ANKHD1: variants seen among roughly 807,000 people sequenced by gnomAD.
ANKHD1 encodes ankyrin repeat and KH domain-containing protein 1.
A neutral mutation model predicts 230.5 loss-of-function variants in ANKHD1; 31 were observed. That is an observed-to-expected ratio of 0.13 (90% CI 0.10 to 0.18). The LOEUF (loss-of-function observed/expected upper bound fraction) is 0.18, where lower values mean the gene tolerates loss of function less well. Among genes scored for constraint, ANKHD1 ranks in the 10% least tolerant of loss-of-function variants. The pLI, the probability that ANKHD1 is intolerant of heterozygous loss-of-function variation, is 1.00. For missense variants in ANKHD1, 2,256 were observed against 3,071.3 expected (o/e 0.73, Z 6.27); for synonymous variants, 1,074 against 1,117.6 (o/e 0.96, Z 0.78).
intron 10 of ANKHD1, among the ~76,000 whole-genome samples, chr5:140,475,107 T>C (rs1420743611): frequency 6.6e-6 from 1 of 152,254 alleles, no homozygotes; most frequent in Non-Finnish European, 1.5e-5. Context: ...TGTTATTGTG[T>C]ATTGAATGAG....
At chr5:140,453,231 G>A (rs942763527) in intron 7 of ANKHD1, among the ~76,000 whole-genome samples, 8 of 152,298 alleles carry the variant, frequency 5.3e-5, no homozygotes, top group Admixed American at 2.6e-4. Flanking sequence ...CCAAATCTAC[G>A]TCTGATTGGT....
chr5:140,415,266 C>T (rs896292982), intron 1 of ANKHD1, among the ~76,000 whole-genome samples: 1 of 151,564 alleles, frequency 6.6e-6, no homozygotes, highest in Non-Finnish European at 1.5e-5. Context: ...GCCTGTAATC[C>T]CAGCTACTCA....
chr5:140,457,850 TA>T lies in ANKHD1; in HGVS notation c.1243-764del, dbSNP rs983828917. Among the ~76,000 whole-genome samples, 612 of 139,384 alleles carry T rather than the reference TA, an allele frequency of 4.4e-3. 4 individuals are homozygous for T. The highest frequency in any genetic ancestry group is 0.012 in the African/African-American group (447 of 38,020). 91.4% of individuals were successfully genotyped at this position (139,384 alleles called of 152,430 possible). ...CACATGTACCCTAGAACTTAAAGTATAAAAAAAAAAAGACCTACATAAATTT... is the reference window on the plus strand; with the variant it reads ...CACATGTACCCTAGAACTTAAAGTATAAAAAAAAAAGACCTACATAAATTT... On this transcript the variant is annotated intron_variant, in intron 7 of 33. Coordinates refer to ENST00000360839, the MANE Select transcript of ANKHD1 (RefSeq NM_017747.3).
Position 140,510,111 on chromosome 5 carries a change from T to C in ANKHD1, c.4034T>C (p.Val1345Ala), listed in dbSNP as rs767900557. The C allele has an allele frequency of 1.2e-6, 2 of 1,614,074 alleles. No individual in the cohort carries two copies. The highest frequency in any genetic ancestry group is 3.3e-4 in the Middle Eastern group (2 of 6,062). The change falls in exon 22 of 34, where the codon GTG (valine) becomes GCG (alanine). Residue 1345 changes from valine to alanine, a missense_variant. Val to Ala is a moderately conservative substitution (Grantham distance 64, BLOSUM62 0). Around this residue, in one of 13 missense-constraint regions of ANKHD1, gnomAD observed 195 missense variants for 340.3 expected, o/e 0.57. Transcript: ENST00000360839. ...CATTTTGATGTTGTGCAGTTGCTAG[T>C]GCAAGCAGGTGCTGATGTGGATGCA... Reference protein sequence around the residue: ...GGHFDVVQLLVQAGADVDAAD... With the variant: ...GGHFDVVQLLAQAGADVDAAD...
At chr5:140,446,107 AT>A in intron 6 of ANKHD1, 132 bp downstream of exon 6, 1 of 905,790 alleles carries the variant, frequency 1.1e-6, no homozygotes, top group Non-Finnish European at 1.5e-6. Context: ...TTTATAAGAA[AT>A]TATATAGAAA....
chr5:140,474,200 TCTC>T (rs1177246157), intron 10 of ANKHD1, among the ~76,000 whole-genome samples: 2 of 152,158 alleles, frequency 1.3e-5, no homozygotes, highest in African/African-American at 4.8e-5. Flanking sequence ...CCATATCAGT[TCTC>T]CTGAGGGGTA....
Position 140,528,691 on chromosome 5 carries a change from C to A in ANKHD1, c.5745C>A (p.Asn1915Lys). The change falls in exon 29 of 34, where the codon AAC becomes AAA. Residue 1915 changes from asparagine (N) to lysine (K), a missense_variant. Transcript: ENST00000360839. ...PKHNNTSRLP[N>K]QNGTVLPSES... is the part of the protein sequence containing the mutation. The stretch of plus-strand genomic sequence containing the variant: ...ATAATAACACAAGCCGTCTACCTAA[C>A]CAGAACGGGACTGTTTTACCCTCAG... 3.1e-6 allele frequency: 5 copies of A among 1,614,184 alleles called. No individual in the cohort carries two copies. Among genetic ancestry groups the A allele is most frequent in the Non-Finnish European group, 4.2e-6 (5 of 1,180,042 alleles).
intron 6 of ANKHD1, 122 bp from the exon 7 acceptor site, chr5:140,449,089 T>A (rs926089088): frequency 9.6e-7 from 1 of 1,036,658 alleles, no homozygotes; most frequent in African/African-American, 1.6e-5. Context: ...GATTTATTTA[T>A]TGAATGCAAA....
intron 22 of ANKHD1, 54 bp downstream of exon 22, chr5:140,510,235 C>A: frequency 6.6e-7 from 1 of 1,518,390 alleles, no homozygotes; most frequent in Non-Finnish European, 8.9e-7. Context: ...TAAGTTAAAA[C>A]CATGTGAGAA....
At chr5:140,512,955 T>C (rs190063017) in intron 23 of ANKHD1, 32 bp downstream of exon 23, 1 of 1,554,136 alleles carries the variant, frequency 6.4e-7, no homozygotes, top group African/African-American at 1.4e-5. Context: ...AGCACATTTT[T>C]GTTCTTTGTG....
At chr5:140,499,537 T>G (rs1158489481) in intron 15 of ANKHD1, among the ~76,000 whole-genome samples, 1 of 152,146 alleles carries the variant, frequency 6.6e-6, no homozygotes, top group East Asian at 1.9e-4. Flanking sequence ...GAGTATTATT[T>G]CCTTATTGCT....
At chr5:140,517,803 A>T (rs1213113257) in intron 24 of ANKHD1, among the ~76,000 whole-genome samples, 1 of 148,136 alleles carries the variant, frequency 6.8e-6, no homozygotes, top group African/African-American at 2.5e-5. Context: ...GTGTAGAGGG[A>T]AATTTATAGC....
Position 140,438,518 on chromosome 5 carries a change from G to A in ANKHD1, c.518G>A (p.Arg173Gln), listed in dbSNP as rs144729115. 200 of 1,613,114 alleles carry A rather than the reference G, an allele frequency of 1.2e-4. 1 individual carries two copies. Among genetic ancestry groups the A allele is most frequent in the Non-Finnish European group, 1.6e-4 (192 of 1,179,504 alleles). Residue 173 changes from arginine (R) to glutamine (Q), a missense_variant, in exon 3 of 34, where the codon CGG (arginine) becomes CAG (glutamine). Arg to Gln is a conservative substitution (Grantham distance 43, BLOSUM62 1). Transcript: ENST00000360839. ...GCTTTTGCAGATCCTGAGGTACTCC[G>A]GAGACTGACATCCTCAGTTAGTTGT... ...GKAFADPEVL[R>Q]RLTSSVSCAL...
intron 10 of ANKHD1, among the ~76,000 whole-genome samples, chr5:140,479,865 A>AAT (rs1561782710): frequency 6.6e-6 from 1 of 150,536 alleles, no homozygotes; most frequent in Non-Finnish European, 1.5e-5. Flanking sequence ...CAATAATGGG[A>AAT]ATATATATGT....
chr5:140,503,263 A>G (rs1216601381), intron 15 of ANKHD1, among the ~76,000 whole-genome samples: 1 of 151,998 alleles, frequency 6.6e-6, no homozygotes, highest in African/African-American at 2.4e-5. Context: ...TACTGATTAT[A>G]TGTTTTTTTC....
At chr5:140,505,380 C>T (rs1002836249) in intron 17 of ANKHD1, 147 bp downstream of exon 17, 11 of 1,037,138 alleles carry the variant, frequency 1.1e-5, no homozygotes, top group Middle Eastern at 3.2e-4. Context: ...CATTATTCTG[C>T]GGAGCCAAAT....
At position 140,528,585 on chromosome 5, in the gene ANKHD1, C is replaced by G; in HGVS notation, c.5639C>G (p.Thr1880Ser). The G allele has an allele frequency of 6.2e-7, 1 of 1,614,172 alleles. No individual in the cohort carries two copies. The highest frequency in any genetic ancestry group is 1.3e-5 in the African/African-American group (1 of 75,048). ...TTACCCATGGCCCAGTTTGGAGGAA[C>G]CTTCTCACCTTCTCCTAACACATGG... ...PRLPMAQFGGTFSPSPNTWGP... is the reference protein window; with the variant it reads ...PRLPMAQFGGSFSPSPNTWGP... Residue 1880 changes from threonine (T) to serine (S), a missense_variant, in exon 29 of 34, where the codon ACC (threonine) becomes AGC (serine). This residue lies in a region of ANKHD1 where 778 missense variants were observed against 966.5 expected (regional missense o/e 0.80). Coordinates refer to ENST00000360839, the MANE Select transcript of ANKHD1 (RefSeq NM_017747.3).
At chr5:140,465,664 A>G (rs1776031730) in intron 10 of ANKHD1, among the ~76,000 whole-genome samples, 1 of 152,234 alleles carries the variant, frequency 6.6e-6, no homozygotes, top group Non-Finnish European at 1.5e-5. Context: ...ACCTGAGAAC[A>G]TTATTGGAAA....
Position 140,537,574 on chromosome 5 carries a change from G to C in ANKHD1, c.7213G>C (p.Val2405Leu), listed in dbSNP as rs1269122131. The change falls in exon 31 of 34, where the codon GTC becomes CTC. Residue 2405 changes from valine to leucine, a missense_variant. Val to Leu is a conservative substitution (Grantham distance 32). Transcript: ENST00000360839. ...ACACAGTGGAATCTGGTCATTTGGTGTCAATGCTGTGTCAGGTACAATTGC... is the reference window on the plus strand; with the variant it reads ...ACACAGTGGAATCTGGTCATTTGGTCTCAATGCTGTGTCAGGTACAATTGC... ...VGHSGIWSFG[V>L]NAVSEGLSGW... The C allele has an allele frequency of 6.3e-7, 1 of 1,588,026 alleles. No homozygotes were observed. The highest frequency in any genetic ancestry group is 8.6e-7 in the Non-Finnish European group (1 of 1,166,958).
Sources: gnomAD v4.1 joint callset for allele counts (sites outside exome capture counted in the v4.1 genomes callset) on GRCh38, gnomAD v4.1.1 for gene constraint, gnomAD v4.1.1 regional missense constraint, MANE v1.5 for transcripts, NCBI Gene and HGNC (gene_info 2026-07-23, HGNC 2026-07-21) for gene names.